Variants in IGBP1 observed in about 807,000 individuals in gnomAD.
IGBP1 encodes immunoglobulin binding protein 1, also known as immunoglobulin-binding protein 1.
A neutral mutation model predicts 25.9 loss-of-function variants in IGBP1; 2 were observed. The observed-to-expected ratio is 0.08, with a 90% CI of 0.03 to 0.24. The LOEUF (loss-of-function observed/expected upper bound fraction) is 0.24. Among genes scored for constraint, IGBP1 ranks in the 10% least tolerant of loss-of-function variants. The pLI is 1.00. For synonymous variants in IGBP1, 96 were observed against 93.4 expected, an observed-to-expected ratio of 1.03 and a Z score of -0.16; for missense variants, 187 against 260.4, an observed-to-expected ratio of 0.72 and a Z score of 1.94.
Position 70,148,706 on chromosome X carries a change from A to G in IGBP1, c.679-55A>G. The G allele has an allele frequency of 3.7e-6, 3 of 811,373 alleles. No individual in the cohort carries two copies. In the South Asian group the frequency reaches 6.4e-5, roughly 17 times the overall value. The allele number at this position is 811,373 out of a possible 1,213,427, so 66.9% of individuals were successfully genotyped here. Reference sequence around the variant, plus strand: ...AGCACCTGAAGACTTAAGAGCCCGTATGGTATGTTGGGTAAAATGGCAAAT... The same window carrying G: ...AGCACCTGAAGACTTAAGAGCCCGTGTGGTATGTTGGGTAAAATGGCAAAT... On this transcript the variant is annotated intron_variant, in intron 4 of 6. Coordinates refer to ENST00000356413, the MANE Select transcript of IGBP1 (RefSeq NM_001551.3).
At position 70,134,829 on chromosome X, in the gene IGBP1, CTATAA is replaced by C; in HGVS notation, c.482+17_482+21del. 8.3e-7 allele frequency: 1 copy of C among 1,200,888 alleles called. No individual in the cohort carries two copies. The highest frequency in any genetic ancestry group is 1.1e-6 in the Non-Finnish European group (1 of 885,401). ...CTAAAATACAGAGGTGGGTCAATAG[CTATAA>C]TATGAGGCCTGCCCAATGGCGGTGC... is the stretch of plus-strand genomic sequence containing the variant. On this transcript the variant is annotated intron_variant, in intron 3 of 6. Transcript: ENST00000356413.
At chrX:70,140,330 A>G (rs2085122018) in intron 3 of IGBP1, among the ~76,000 whole-genome samples, 1 of 112,019 alleles carries the variant, frequency 8.9e-6, no homozygotes, top group Admixed American at 9.5e-5. Flanking sequence ...AAGCCAGGGT[A>G]TATTTAGGTA....
chrX:70,153,019 C>CA (rs905676391), intron 6 of IGBP1, among the ~76,000 whole-genome samples: 1 of 111,895 alleles, frequency 8.9e-6, no homozygotes, highest in African/African-American at 3.3e-5. Flanking sequence ...ACATTATAGT[C>CA]AAACTGCAGA....
At chrX:70,161,868 C>G in intron 6 of IGBP1, among the ~76,000 whole-genome samples, 1 of 111,429 alleles carries the variant, frequency 9.0e-6, no homozygotes, top group Middle Eastern at 4.6e-3. Flanking sequence ...CCTCACAGCC[C>G]AAAACTGGGA....
Position 70,165,941 on chromosome X carries a change from C to T in IGBP1, c.980C>T (p.Thr327Ile), listed in dbSNP as rs764094843. The T allele has an allele frequency of 1.7e-6, 2 of 1,210,345 alleles. No homozygotes were observed. Among genetic ancestry groups the T allele is most frequent in the East Asian group, 3.0e-5 (1 of 33,801 alleles). Residue 327 changes from threonine to isoleucine, a missense_variant, in exon 7 of 7, where the codon ACC becomes ATC. Coordinates refer to ENST00000356413, the MANE Select transcript of IGBP1 (RefSeq NM_001551.3). ...RAREWDDWKDTHPRGYGNRQN... is the reference protein window; with the variant it reads ...RAREWDDWKDIHPRGYGNRQN... The stretch of plus-strand genomic sequence containing the variant: ...CGGGAGTGGGATGACTGGAAGGACA[C>T]CCATCCTAGGGGCTATGGGAACCGA...
chrX:70,134,578 C>T lies in IGBP1; in HGVS notation c.244C>T (p.Pro82Ser). 1 of 1,211,124 alleles carries T rather than the reference C, an allele frequency of 8.3e-7. No individual in the cohort carries two copies. Among genetic ancestry groups the T allele is most frequent in the Non-Finnish European group, 1.1e-6 (1 of 894,733 alleles). The change falls in exon 3 of 7, where the codon CCA becomes TCA. Residue 82 changes from proline (P) to serine (S), a missense_variant. Coordinates refer to ENST00000356413, the MANE Select transcript of IGBP1 (RefSeq NM_001551.3). ...ASTDLKYLLV[P>S]AFQGALTMKQ... The stretch of plus-strand genomic sequence containing the variant: ...CACCGACCTGAAGTACCTTTTGGTG[C>T]CAGCGTTTCAAGGAGCCCTCACCAT...
intron 3 of IGBP1, among the ~76,000 whole-genome samples, chrX:70,143,739 C>T (rs757252504): frequency 1.7e-4 from 8 of 48,189 alleles, no homozygotes; most frequent in South Asian, 1.4e-3. Context: ...GTTGGGGGGG[C>T]GGGTGTTGAC....
chrX:70,151,841 G>A (rs944169964), intron 6 of IGBP1, among the ~76,000 whole-genome samples: 4 of 111,366 alleles, frequency 3.6e-5, no homozygotes, highest in African/African-American at 9.8e-5. Flanking sequence ...TCACGCCACT[G>A]CACTCCAGCC....
At chrX:70,163,512 CTT>C (rs2085281518) in intron 6 of IGBP1, among the ~76,000 whole-genome samples, 1 of 111,881 alleles carries the variant, frequency 8.9e-6, no homozygotes, top group Non-Finnish European at 1.9e-5. Context: ...GGAAGGCTCT[CTT>C]TGTAAAAGTA....
chrX:70,148,897 C>A, intron 5 of IGBP1, 57 bp downstream of exon 5: 1 of 839,826 alleles, frequency 1.2e-6, no homozygotes, highest in Non-Finnish European at 1.8e-6. Flanking sequence ...TTCAATGTGG[C>A]AATTCATTAG....
chrX:70,160,841 T>C (rs1206858619), intron 6 of IGBP1, among the ~76,000 whole-genome samples: 1 of 112,360 alleles, frequency 8.9e-6, no homozygotes. Context: ...GTTAGTGTTA[T>C]TATTCCAAGA....
At chrX:70,147,677 A>G (rs981622770) in intron 4 of IGBP1, among the ~76,000 whole-genome samples, 4 of 112,244 alleles carry the variant, frequency 3.6e-5, no homozygotes, top group Admixed American at 9.4e-5. Context: ...AAACTGGTAA[A>G]GAAACCTGGT....
chrX:70,163,395 C>T (rs1193344013), intron 6 of IGBP1, among the ~76,000 whole-genome samples: 1 of 110,444 alleles, frequency 9.1e-6, no homozygotes, highest in African/African-American at 3.3e-5. Flanking sequence ...AATTATTCAA[C>T]CTCAGAGGCT....
At chrX:70,156,954 T>C (rs1349917119) in intron 6 of IGBP1, among the ~76,000 whole-genome samples, 1 of 111,131 alleles carries the variant, frequency 9.0e-6, no homozygotes, top group Non-Finnish European at 1.9e-5. Flanking sequence ...AAAATGAAAA[T>C]AAAATACAGA....
rs138993842 is a variant in IGBP1 at position 70,144,650 on chromosome X, C to CTT, written c.483-1956_483-1955dup. 2.5e-4 allele frequency among the ~76,000 whole-genome samples: 7 copies of CTT among 27,740 alleles called. 2 individuals carry two copies. Among genetic ancestry groups the CTT allele is most frequent in the African/African-American group, 1.1e-3 (7 of 6,539 alleles). 24.1% of individuals were successfully genotyped at this position (27,740 alleles called of 115,157 possible). ...GCCTTTTCAGAACAGTGGTTCTTGA[C>CTT]TTTTTTTTTTTTTTTTTTTTTTTTT... is the stretch of plus-strand genomic sequence containing the variant. On this transcript the variant is annotated intron_variant, in intron 3 of 6. Coordinates refer to ENST00000356413, the MANE Select transcript of IGBP1 (RefSeq NM_001551.3).
rs765697899 is a variant in IGBP1 at position 70,146,794 on chromosome X, T to A, written c.644T>A (p.Ile215Lys). 8.3e-7 allele frequency: 1 copy of A among 1,205,147 alleles called. No homozygotes were observed. The highest frequency in any genetic ancestry group is 1.8e-5 in the African/African-American group (1 of 56,806). The change falls in exon 4 of 7, where the codon ATA becomes AAA. Residue 215 changes from isoleucine to lysine, a missense_variant. Transcript: ENST00000356413. ...GAGATTGAGAGCATTGACCAGGAAATAAAGATCCTGAGAGAAAGAGACTCT... is the reference window on the plus strand; with the variant it reads ...GAGATTGAGAGCATTGACCAGGAAAAAAAGATCCTGAGAGAAAGAGACTCT... ...LEEIESIDQEIKILRERDSSR... is the reference protein window; with the variant it reads ...LEEIESIDQEKKILRERDSSR...
intron 3 of IGBP1, among the ~76,000 whole-genome samples, chrX:70,142,175 A>G (rs760248751): frequency 6.3e-5 from 7 of 111,213 alleles, no homozygotes; most frequent in Middle Eastern, 4.6e-3. Context: ...TCTACAAGAA[A>G]TACAAAAATT....
chrX:70,148,878 C>G (rs1263793316), intron 5 of IGBP1, 38 bp downstream of exon 5: 1 of 943,905 alleles, frequency 1.1e-6, no homozygotes, highest in Non-Finnish European at 1.5e-6. Context: ...CAGCCCTCTG[C>G]TTTTATGGTT....
chrX:70,157,356 G>A (rs1309284019), intron 6 of IGBP1, among the ~76,000 whole-genome samples: 1 of 111,285 alleles, frequency 9.0e-6, no homozygotes, highest in Non-Finnish European at 1.9e-5. Flanking sequence ...TCATGGTTCT[G>A]GTAGTAATGC....
Sources: gnomAD v4.1 joint callset for allele counts (sites outside exome capture counted in the v4.1 genomes callset) on GRCh38, gnomAD v4.1.1 for gene constraint, MANE v1.5 for transcripts, NCBI Gene and HGNC (gene_info 2026-07-23, HGNC 2026-07-21) for gene names.